Variants in CFAP54 observed in about 807,000 individuals in gnomAD.
The protein encoded by CFAP54 is cilia- and flagella-associated protein 54.
A neutral mutation model predicts 370.4 loss-of-function variants in CFAP54; 290 were observed. The ratio of observed to expected loss-of-function variants is 0.78; its 90% CI spans 0.71 to 0.86. The LOEUF (loss-of-function observed/expected upper bound fraction) is 0.86, where lower values mean the gene tolerates loss of function less well. Ranked by LOEUF, CFAP54 falls within the 40% of genes least tolerant of loss-of-function variation. CFAP54 has a pLI of 0.00. For missense variants in CFAP54, 3,399 were observed against 3,528.7 expected (o/e 0.96, Z 0.93); for synonymous variants, 1,206 against 1,236.5 (o/e 0.98, Z 0.52).
At chr12:96,803,860 C>A (rs2136716113) in intron 63 of CFAP54, among the ~76,000 whole-genome samples, 2 of 152,148 alleles carry the variant, frequency 1.3e-5, no homozygotes, top group African/African-American at 4.8e-5. Flanking sequence ...AACCAAAGGA[C>A]CACAACAGTC....
At chr12:96,576,390 A>G (rs1455639875) in intron 19 of CFAP54, among the ~76,000 whole-genome samples, 195 bp from the exon 20 acceptor site, 2 of 151,192 alleles carry the variant, frequency 1.3e-5, no homozygotes, top group Non-Finnish European at 3.0e-5. Context: ...ATCATGATTA[A>G]CCTTATCTAG....
At chr12:96,778,464 A>G (rs1373507173) in intron 60 of CFAP54, among the ~76,000 whole-genome samples, 1 of 152,210 alleles carries the variant, frequency 6.6e-6, no homozygotes. Context: ...GCACTATAAT[A>G]CTATTCAAAA....
At chr12:96,775,561 C>T (rs1410589636) in intron 60 of CFAP54, among the ~76,000 whole-genome samples, 1 of 152,084 alleles carries the variant, frequency 6.6e-6, no homozygotes, top group African/African-American at 2.4e-5. Flanking sequence ...CTCATGAGTC[C>T]CACATAAACA....
At chr12:96,748,932 C>A (rs181255174) in intron 55 of CFAP54, among the ~76,000 whole-genome samples, 1 of 152,318 alleles carries the variant, frequency 6.6e-6, no homozygotes, top group East Asian at 1.9e-4. Context: ...ATTGCCTAGT[C>A]ACTCTCTGTT....
chr12:96,515,915 T>TG (rs1391835983), intron 5 of CFAP54, among the ~76,000 whole-genome samples: 1 of 117,770 alleles, frequency 8.5e-6, no homozygotes, highest in African/African-American at 3.3e-5. Context: ...CCTCTATGTT[T>TG]TTTTTTTTTT....
At chr12:96,516,981 A>G (rs186416933) in intron 5 of CFAP54, among the ~76,000 whole-genome samples, 45 of 151,478 alleles carry the variant, frequency 3.0e-4, no homozygotes, top group Non-Finnish European at 5.7e-4. Context: ...TTAGATATGG[A>G]TATCATTTGA....
chr12:96,583,013 CAT>C (rs1207152891), intron 22 of CFAP54, among the ~76,000 whole-genome samples: 1 of 152,148 alleles, frequency 6.6e-6, no homozygotes, highest in Non-Finnish European at 1.5e-5. Context: ...TTCTTTAAAA[CAT>C]ATTATTATAA....
Position 96,763,691 on chromosome 12 carries a change from A to G in CFAP54, c.8041-460A>G, listed in dbSNP as rs753936741. On this transcript the variant is annotated intron_variant, in intron 58 of 67. Coordinates refer to ENST00000524981, the MANE Select transcript of CFAP54 (RefSeq NM_001306084.2). The stretch of plus-strand genomic sequence containing the variant: ...CTACTTGGGAGTCTGAGGTAGAAAA[A>G]TTGTTTGAACCTGGGAGGCAGAGGT... 2.0e-4 allele frequency among the ~76,000 whole-genome samples: 31 copies of G among 152,278 alleles called. 1 individual carries two copies. The highest frequency in any genetic ancestry group is 5.2e-4 in the Admixed American group (8 of 15,288).
In CFAP54 at chr12:96,771,419, A is replaced by G. The variant is rs372689132; in HGVS notation, c.8281+6201A>G. ...TGTAATCCCAGCACTTTGGGAGGCC[A>G]AGGCGGGCGGTTCACGAGGTCAGGA... On this transcript the variant is annotated intron_variant, in intron 60 of 67. Transcript: ENST00000524981. Among the ~76,000 whole-genome samples the G allele has an allele frequency of 2.1e-3, 326 of 152,272 alleles. 4 individuals carry two copies. The highest frequency in any genetic ancestry group is 0.012 in the East Asian group (60 of 5,174).
chr12:96,501,065 A>T lies in CFAP54; in HGVS notation c.423+126A>T, dbSNP rs1955020350. On this transcript the variant is annotated intron_variant, in intron 2 of 67. Coordinates refer to ENST00000524981, the MANE Select transcript of CFAP54 (RefSeq NM_001306084.2). ...TTCTCTTAGAAAAAAATAAATGAGT[A>T]CATAAAAATTTTAATAAGGCACAGT... 3 of 556,296 alleles carry T rather than the reference A, an allele frequency of 5.4e-6. No homozygotes were observed. The East Asian group carries it at 9.7e-5, about 18-fold the overall frequency. The allele number at this position is 556,296 out of a possible 1,614,324, so 34.5% of individuals were successfully genotyped here.
intron 45 of CFAP54, among the ~76,000 whole-genome samples, chr12:96,696,076 G>T (rs1957437360): frequency 6.6e-6 from 1 of 152,188 alleles, no homozygotes; most frequent in South Asian, 2.1e-4. Context: ...GACTTGAAAA[G>T]AGTAGAATTC....
chr12:96,606,516 A>G (rs1956302843), intron 26 of CFAP54, among the ~76,000 whole-genome samples: 1 of 152,254 alleles, frequency 6.6e-6, no homozygotes, highest in African/African-American at 2.4e-5. Flanking sequence ...CTTTAATGAG[A>G]AGAAATACTA....
rs58264783 is a variant in CFAP54, at chr12:96,505,502, CT to C, written c.568-1408del. ...CTGGGTCACCCCTATAATAGCCTCA[CT>C]TTTTTTTTTTTTTTTTTGAGACCGA... On this transcript the variant is annotated intron_variant, in intron 3 of 67. Coordinates refer to ENST00000524981, the MANE Select transcript of CFAP54 (RefSeq NM_001306084.2). Among the ~76,000 whole-genome samples, 890 of 133,456 alleles carry C rather than the reference CT, an allele frequency of 6.7e-3. 6 individuals carry two copies. The highest frequency in any genetic ancestry group is 0.017 in the African/African-American group (624 of 35,674). The allele number at this position is 133,456 out of a possible 152,430, so 87.6% of individuals were successfully genotyped here. A position where few individuals can be genotyped will look rare whatever the true frequency, so the allele number is the denominator to read the frequency against.
chr12:96,750,037 G>T (rs1016839007), intron 55 of CFAP54, among the ~76,000 whole-genome samples: 4 of 152,208 alleles, frequency 2.6e-5, no homozygotes, highest in Non-Finnish European at 5.9e-5. Context: ...TTAGTTTCAG[G>T]AGTGAAGAGG....
At chr12:96,648,424 A>G (rs940527775) in intron 34 of CFAP54, among the ~76,000 whole-genome samples, 1 of 152,152 alleles carries the variant, frequency 6.6e-6, no homozygotes, top group Non-Finnish European at 1.5e-5. Flanking sequence ...CCAAACTATC[A>G]TGATAGCTGA....
rs1030592092 is a variant in CFAP54 at position 96,641,381 on chromosome 12, C to T, written c.4317-2797C>T. Among the ~76,000 whole-genome samples, 6 of 152,226 alleles carry T rather than the reference C, an allele frequency of 3.9e-5. No individual in the cohort carries two copies. The South Asian group carries it at 6.2e-4, about 16-fold the overall frequency. On this transcript the variant is annotated intron_variant, in intron 32 of 67. Coordinates refer to ENST00000524981, the MANE Select transcript of CFAP54 (RefSeq NM_001306084.2). ...TGCAAATCAAAACCACAATGAGATA[C>T]CATCTCACACCAGTTAGAATGGCGA...
chr12:96,526,210 G>GTC (rs1565884893), intron 8 of CFAP54, among the ~76,000 whole-genome samples: 1 of 152,186 alleles, frequency 6.6e-6, no homozygotes, highest in East Asian at 1.9e-4. Flanking sequence ...TAAAACTACG[G>GTC]TTCTTATTTA....
At chr12:96,510,831 C>T (rs774932313) in intron 4 of CFAP54, among the ~76,000 whole-genome samples, 5 of 151,996 alleles carry the variant, frequency 3.3e-5, no homozygotes, top group South Asian at 2.1e-4. Context: ...AGCGTGGTGG[C>T]GAGCGCCTGT....
chr12:96,699,849 G>C, intron 45 of CFAP54, 122 bp from the exon 46 acceptor site: 3 of 735,326 alleles, frequency 4.1e-6, no homozygotes, highest in Non-Finnish European at 6.7e-6. Flanking sequence ...AATTCATAAT[G>C]CATTACCAAC....
Sources: gnomAD v4.1 joint callset for allele counts (sites outside exome capture counted in the v4.1 genomes callset) on GRCh38, gnomAD v4.1.1 for gene constraint, MANE v1.5 for transcripts, NCBI Gene and HGNC (gene_info 2026-07-23, HGNC 2026-07-21) for gene names.